EEFSEC: variants seen among roughly 807,000 people sequenced by gnomAD.
The protein encoded by EEFSEC is eukaryotic elongation factor, selenocysteine-tRNA specific.
EEFSEC carries 43 observed loss-of-function variants against 42.1 expected under a neutral mutation model. The observed-to-expected ratio is 1.02, with a 90% CI of 0.80 to 1.32. EEFSEC has a LOEUF of 1.32. Ranked by LOEUF, EEFSEC falls within the 40% of genes most tolerant of loss-of-function variation. The pLI is 0.00. For synonymous variants in EEFSEC, 354 were observed against 339.1 expected (o/e 1.04, Z -0.48); for missense variants, 745 against 803.6 (o/e 0.93, Z 0.88).
chr3:128,153,871 C>T, intron 1 of EEFSEC, 48 bp downstream of exon 1: 2 of 1,449,120 alleles, frequency 1.4e-6, no homozygotes, highest in Non-Finnish European at 1.8e-6. Context: ...GCGGGCGGAG[C>T]GACCGGGCCC....
chr3:128,211,933 C>T (rs1360739148), intron 1 of EEFSEC, among the ~76,000 whole-genome samples: 1 of 123,942 alleles, frequency 8.1e-6, no homozygotes, highest in Admixed American at 1.1e-4. Context: ...GATCTTGGCT[C>T]ACTGTAAGCT....
At chr3:128,231,602 C>T (rs2065959502) in intron 1 of EEFSEC, among the ~76,000 whole-genome samples, 1 of 152,234 alleles carries the variant, frequency 6.6e-6, no homozygotes, top group African/African-American at 2.4e-5. Flanking sequence ...GGGGCTCCAA[C>T]TCAGGCTGGC....
At chr3:128,346,471 G>T (rs540565494) in intron 5 of EEFSEC, among the ~76,000 whole-genome samples, 8 of 152,192 alleles carry the variant, frequency 5.3e-5, no homozygotes, top group African/African-American at 1.9e-4. Flanking sequence ...TGGGAATATC[G>T]TGATGTCAGT....
chr3:128,342,783 G>C (rs2067270275), intron 5 of EEFSEC, among the ~76,000 whole-genome samples: 1 of 152,234 alleles, frequency 6.6e-6, no homozygotes, highest in African/African-American at 2.4e-5. Context: ...CACTAGGGTG[G>C]ACAGAACACG....
intron 4 of EEFSEC, among the ~76,000 whole-genome samples, chr3:128,295,382 T>C (rs2107992630): frequency 6.6e-6 from 1 of 151,474 alleles, no homozygotes; most frequent in African/African-American, 2.4e-5. Flanking sequence ...AGGAAATGCA[T>C]CCGTATCTCA....
intron 1 of EEFSEC, among the ~76,000 whole-genome samples, chr3:128,189,316 T>C (rs1400444473): frequency 6.6e-6 from 1 of 152,154 alleles, no homozygotes; most frequent in East Asian, 1.9e-4. Flanking sequence ...ATGATGGTGG[T>C]CCCATAAGAT....
At chr3:128,297,900 C>T (rs1374757733) in intron 4 of EEFSEC, among the ~76,000 whole-genome samples, 1 of 152,196 alleles carries the variant, frequency 6.6e-6, no homozygotes, top group African/African-American at 2.4e-5. Flanking sequence ...GCTGACTTCT[C>T]CAAGTACTTC....
At position 128,319,806 on chromosome 3, in the gene EEFSEC, G is replaced by A. The variant is rs1463562743; in HGVS notation, c.787-21427G>A. 2.6e-5 allele frequency among the ~76,000 whole-genome samples: 4 copies of A among 152,250 alleles called. No individual in the cohort carries two copies. In the South Asian group the frequency reaches 8.3e-4, roughly 32 times the overall value. On this transcript the variant is annotated intron_variant, in intron 4 of 6. Coordinates refer to ENST00000254730, the MANE Select transcript of EEFSEC (RefSeq NM_021937.5). ...CCATCCTCTCGACTGCAGGGATGGT[G>A]TCTCATTCTGTCCTGTGTGCCCAGA...
At chr3:128,249,167 A>G (rs2066158132) in intron 2 of EEFSEC, among the ~76,000 whole-genome samples, 1 of 152,250 alleles carries the variant, frequency 6.6e-6, no homozygotes, top group African/African-American at 2.4e-5. Context: ...ATAAAGGGAA[A>G]ATGTGGACTG....
chr3:128,162,956 G>T lies in EEFSEC; in HGVS notation c.316+9133G>T, dbSNP rs568772763. 1.1e-4 allele frequency among the ~76,000 whole-genome samples: 16 copies of T among 152,214 alleles called. No individual in the cohort carries two copies. In the South Asian group the frequency reaches 3.1e-3, roughly 30 times the overall value. On this transcript the variant is annotated intron_variant, in intron 1 of 6. Transcript: ENST00000254730. Reference sequence around the variant, plus strand: ...TTGTTTTCTATCAGCATGTCTCTTGGGTTTTTCTTCGGAATCATTCCATCC... The same window carrying T: ...TTGTTTTCTATCAGCATGTCTCTTGTGTTTTTCTTCGGAATCATTCCATCC...
intron 6 of EEFSEC, among the ~76,000 whole-genome samples, chr3:128,390,101 T>C (rs935380207): frequency 2.6e-5 from 4 of 152,226 alleles, no homozygotes; most frequent in Non-Finnish European, 5.9e-5. Flanking sequence ...TATCTGCATC[T>C]TGTGAAAGTG....
At chr3:128,325,714 C>A (rs1260878651) in intron 4 of EEFSEC, among the ~76,000 whole-genome samples, 1 of 152,070 alleles carries the variant, frequency 6.6e-6, no homozygotes, top group Non-Finnish European at 1.5e-5. Context: ...GGAAAAAAAA[C>A]CTCCCCCTTA....
the EEFSEC span, among the ~76,000 whole-genome samples, chr3:128,420,063 C>T: frequency 7.5e-3 from 1,142 of 151,788 alleles, 17 homozygotes; most frequent in African/African-American, 0.026. Context: ...GACATGGAGA[C>T]GGGAAGAAAG....
At chr3:128,309,374 A>G (rs1576626882) in intron 4 of EEFSEC, among the ~76,000 whole-genome samples, 1 of 152,320 alleles carries the variant, frequency 6.6e-6, no homozygotes, top group East Asian at 1.9e-4. Context: ...CTAGAGCAGG[A>G]AAATCAAGGA....
chr3:128,346,739 G>A (rs1051779770), intron 5 of EEFSEC, among the ~76,000 whole-genome samples: 1 of 152,188 alleles, frequency 6.6e-6, no homozygotes, highest in African/African-American at 2.4e-5. Context: ...CTCAGACTCA[G>A]CTACTCAACT....
chr3:128,344,361 A>G (rs2067288566), intron 5 of EEFSEC, among the ~76,000 whole-genome samples: 1 of 152,226 alleles, frequency 6.6e-6, no homozygotes, highest in Non-Finnish European at 1.5e-5. Flanking sequence ...TCCCCAATTA[A>G]ATCAATCAAA....
intron 1 of EEFSEC, among the ~76,000 whole-genome samples, chr3:128,238,957 T>C (rs1191337277): frequency 6.6e-6 from 1 of 152,226 alleles, no homozygotes; most frequent in East Asian, 1.9e-4. Flanking sequence ...GTTTGACTCT[T>C]AATGCATCAT....
At chr3:128,324,472 T>C (rs1423252176) in intron 4 of EEFSEC, among the ~76,000 whole-genome samples, 1 of 152,216 alleles carries the variant, frequency 6.6e-6, no homozygotes, top group Admixed American at 6.5e-5. Context: ...ACTTGAGGAT[T>C]CCAGGTCCCA....
intron 6 of EEFSEC, among the ~76,000 whole-genome samples, chr3:128,372,348 C>T (rs57126057): frequency 1.4e-4 from 21 of 152,292 alleles, no homozygotes; most frequent in African/African-American, 5.1e-4. Context: ...GTGTCTGATA[C>T]TCCATGCCCT....
Sources: gnomAD v4.1 joint callset for allele counts (sites outside exome capture counted in the v4.1 genomes callset) on GRCh38, gnomAD v4.1.1 for gene constraint, MANE v1.5 for transcripts, NCBI Gene and HGNC (gene_info 2026-07-23, HGNC 2026-07-21) for gene names.